The following ORMDL3 variants were observed in gnomAD, a reference collection of about 807,000 sequenced individuals.
ORMDL3 encodes ORMDL sphingolipid biosynthesis regulator 3.
ORMDL3 carries 6 observed loss-of-function variants against 12.6 expected under a neutral mutation model. That is an observed-to-expected ratio of 0.48 (90% confidence interval 0.26 to 0.94). The LOEUF (loss-of-function observed/expected upper bound fraction) is 0.94. Among genes scored for constraint, ORMDL3 ranks in the 40% least tolerant of loss-of-function variants. The pLI, the probability that ORMDL3 is intolerant of heterozygous loss-of-function variation, is 0.14. For synonymous variants in ORMDL3, 99 were observed against 87.2 expected (o/e 1.14, Z -0.75); for missense variants, 159 against 205.5 (o/e 0.77, Z 1.38).
chr17:39,921,722 A>T lies in ORMDL3; in HGVS notation c.*828T>A, dbSNP rs1282075839. The T allele has an allele frequency of 6.6e-6, 1 of 152,390 alleles. No homozygotes were observed. The allele number at this position is 152,390 out of a possible 1,614,324, so 9.4% of individuals were successfully genotyped here. A position where few individuals can be genotyped will look rare whatever the true frequency, so the allele number is the denominator to read the frequency against. ...CATTCTGTGGGTAAATTAACCCTCCAAGCCTGCTTCCCTCCCTGCCCACAT... is the reference window on the plus strand; with the variant it reads ...CATTCTGTGGGTAAATTAACCCTCCTAGCCTGCTTCCCTCCCTGCCCACAT... On this transcript the variant is annotated 3_prime_UTR_variant, in exon 4 of 4. Coordinates refer to ENST00000304046, the MANE Select transcript of ORMDL3 (RefSeq NM_139280.4).
chr17:39,923,475 G>A (rs1978314725), intron 2 of ORMDL3, among the ~76,000 whole-genome samples: 1 of 151,560 alleles, frequency 6.6e-6, no homozygotes, highest in Admixed American at 6.6e-5. Context: ...GGCCTGGCAT[G>A]AGAATGCACG....
At chr17:39,923,768 C>G (rs896863736) in intron 2 of ORMDL3, among the ~76,000 whole-genome samples, 2 of 152,158 alleles carry the variant, frequency 1.3e-5, no homozygotes, top group African/African-American at 4.8e-5. Context: ...AGCACATCTT[C>G]CAGGCCAACA....
At chr17:39,927,250 CGCCTCCCA>C in intron 1 of ORMDL3, 1 of 188,766 alleles carries the variant, frequency 5.3e-6, no homozygotes, top group Non-Finnish European at 9.9e-6. Context: ...AGCCGCTCCC[CGCCTCCCA>C]CCCCTAGCCG....
In ORMDL3 at chr17:39,922,505, C is replaced by G. The variant is rs1409504581; in HGVS notation, c.*45G>C. 1 of 1,593,128 alleles carries G rather than the reference C, an allele frequency of 6.3e-7. No individual in the cohort carries two copies. Among genetic ancestry groups the G allele is most frequent in the Non-Finnish European group, 8.5e-7 (1 of 1,170,632 alleles). ...CAGTGTTGCAGCACATGCCTTTTAC[C>G]CTACCCCTCCCCTGCCACCCTGGGC... is the stretch of plus-strand genomic sequence containing the variant. On this transcript the variant is annotated 3_prime_UTR_variant, in exon 4 of 4. Coordinates refer to ENST00000304046, the MANE Select transcript of ORMDL3 (RefSeq NM_139280.4).
chr17:39,927,048 G>C (rs543798228), intron 1 of ORMDL3: 1 of 968,632 alleles, frequency 1.0e-6, no homozygotes, highest in Admixed American at 6.2e-5. Context: ...GAGGAGGAGC[G>C]AAGAGGCGGA....
At chr17:39,922,814 TAAG>T in intron 3 of ORMDL3, 129 bp from the exon 4 acceptor site, 1 of 1,258,718 alleles carries the variant, frequency 7.9e-7, no homozygotes, top group Non-Finnish European at 1.1e-6. Context: ...CAGACCAGCG[TAAG>T]AAGCAAGAGC....
chr17:39,922,476 T>C lies in ORMDL3; in HGVS notation c.*74A>G. 2.7e-6 allele frequency: 4 copies of C among 1,503,520 alleles called. No individual in the cohort carries two copies. The highest frequency in any genetic ancestry group is 3.6e-6 in the Non-Finnish European group (4 of 1,116,474). The allele number at this position is 1,503,520 out of a possible 1,614,324, so 93.1% of individuals were successfully genotyped here. ...AGTGTCCAGAGGCTTCTTCTTTCTG[T>C]CTTCAGTGTTGCAGCACATGCCTTT... On this transcript the variant is annotated 3_prime_UTR_variant, in exon 4 of 4. Transcript: ENST00000304046.
Position 39,922,622 on chromosome 17 carries a change from G to C in ORMDL3, c.390C>G (p.Ser130=), listed in dbSNP as rs775923824. 1.2e-6 allele frequency: 2 copies of C among 1,614,072 alleles called. No homozygotes were observed. Among genetic ancestry groups the C allele is most frequent in the Non-Finnish European group, 1.7e-6 (2 of 1,180,002 alleles). ...GCTTGGGGATAAGCACGCTCATCAG[G>C]GACACGGTGTTGAGCACAAAATGGA... is the stretch of plus-strand genomic sequence containing the variant. ...DQIHFVLNTV[S]LMSVLIPKLP... The change falls in exon 4 of 4, where the codon TCC becomes TCG. Residue 130 remains serine, a synonymous_variant. Coordinates refer to ENST00000304046, the MANE Select transcript of ORMDL3 (RefSeq NM_139280.4).
chr17:39,924,281 A>C, intron 1 of ORMDL3, 56 bp from the exon 2 acceptor site: 1 of 1,483,358 alleles, frequency 6.7e-7, no homozygotes, highest in Non-Finnish European at 9.0e-7. Context: ...GCCCCCTCTC[A>C]CCCTCGGATC....
Position 39,927,583 on chromosome 17 carries a change from T to G in ORMDL3, c.-122A>C. 1 of 985,698 alleles carries G rather than the reference T, an allele frequency of 1.0e-6. No homozygotes were observed. Among genetic ancestry groups the G allele is most frequent in the Non-Finnish European group, 1.2e-6 (1 of 830,108 alleles). 61.1% of individuals were successfully genotyped at this position (985,698 alleles called of 1,614,324 possible). On this transcript the variant is annotated 5_prime_UTR_variant, in exon 1 of 4. Coordinates refer to ENST00000304046, the MANE Select transcript of ORMDL3 (RefSeq NM_139280.4). ...CAACCCGCGGCTGCAGCCTCCCCGCTGGCAGCTCCGGCCGAATCAGCGCTC... is the reference window on the plus strand; with the variant it reads ...CAACCCGCGGCTGCAGCCTCCCCGCGGGCAGCTCCGGCCGAATCAGCGCTC...
intron 1 of ORMDL3, chr17:39,926,768 C>A: frequency 1.5e-5 from 15 of 985,160 alleles, no homozygotes; most frequent in Non-Finnish European, 1.8e-5. Context: ...ACCAGGTGAG[C>A]CCTTCCCATT....
Position 39,922,658 on chromosome 17 carries a change from C to T in ORMDL3, c.354G>A (p.Lys118=). 1 of 1,613,046 alleles carries T rather than the reference C, an allele frequency of 6.2e-7. No individual in the cohort carries two copies. Among genetic ancestry groups the T allele is most frequent in the Non-Finnish European group, 8.5e-7 (1 of 1,179,306 alleles). Residue 118 remains lysine (K), a synonymous_variant, in exon 4 of 4, where the codon AAG becomes AAA. Coordinates refer to ENST00000304046, the MANE Select transcript of ORMDL3 (RefSeq NM_139280.4). The stretch of plus-strand genomic sequence containing the variant: ...TGAGCACAAAATGGATCTGGTCGTA[C>T]TTAGTGTAGAAGCTGGTGAGGAAGT... The part of the protein sequence containing the change: ...VLYFLTSFYT[K]YDQIHFVLNT...
At position 39,923,102 on chromosome 17, in the gene ORMDL3, A is replaced by C; in HGVS notation, c.326+10T>G. The C allele has an allele frequency of 6.2e-7, 1 of 1,614,024 alleles. No individual in the cohort carries two copies. ...GCCTGCTGGTGTCTTCCTGTAGCCC[A>C]GGCACTCACAGCACGATGGGTGTGA... On this transcript the variant is annotated intron_variant, in intron 3 of 3. Transcript: ENST00000304046.
chr17:39,924,355 A>T (rs1355254111), intron 1 of ORMDL3, 130 bp from the exon 2 acceptor site: 1 of 847,894 alleles, frequency 1.2e-6, no homozygotes, highest in Non-Finnish European at 1.8e-6. Flanking sequence ...TTGATTCTGA[A>T]GCATGGAAAG....
Position 39,927,464 on chromosome 17 carries a change from T to C in ORMDL3, c.-23+20A>G. 1.0e-6 allele frequency: 1 copy of C among 985,254 alleles called. No homozygotes were observed. The highest frequency in any genetic ancestry group is 1.2e-6 in the Non-Finnish European group (1 of 829,962). 61.0% of individuals were successfully genotyped at this position (985,254 alleles called of 1,614,324 possible). ...GCCCCTCCCGTAGCCCTGGGGCCTC[T>C]TGGTTCCTTCCGGGCTCACCGTGTG... On this transcript the variant is annotated intron_variant, in intron 1 of 3. Transcript: ENST00000304046.
Position 39,922,511 on chromosome 17 carries a change from C to CCT in ORMDL3, c.*37_*38dup. 1 of 1,599,618 alleles carries CCT rather than the reference C, an allele frequency of 6.3e-7. No homozygotes were observed. Among genetic ancestry groups the CCT allele is most frequent in the Non-Finnish European group, 8.5e-7 (1 of 1,173,882 alleles). On this transcript the variant is annotated 3_prime_UTR_variant, in exon 4 of 4. Coordinates refer to ENST00000304046, the MANE Select transcript of ORMDL3 (RefSeq NM_139280.4). The stretch of plus-strand genomic sequence containing the variant: ...TGCAGCACATGCCTTTTACCCTACC[C>CCT]CTCCCCTGCCACCCTGGGCAGGGGA...
chr17:39,923,058 G>A (rs997076660), intron 3 of ORMDL3, 54 bp downstream of exon 3: 77 of 1,605,894 alleles, frequency 4.8e-5, no homozygotes, highest in Non-Finnish European at 6.4e-5. Context: ...GGGCCCTGGG[G>A]TCCTCCAGGC....
rs1392969080 is a variant in ORMDL3, at chr17:39,922,429, A to G, written c.*121T>C. The stretch of plus-strand genomic sequence containing the variant: ...GAAGCGAGGGGGGAAATTAGGCCAG[A>G]GGCTCAACCCCCATCTCTGGCAGTG... On this transcript the variant is annotated 3_prime_UTR_variant, in exon 4 of 4. Coordinates refer to ENST00000304046, the MANE Select transcript of ORMDL3 (RefSeq NM_139280.4). 2.6e-5 allele frequency: 33 copies of G among 1,247,766 alleles called. No individual in the cohort carries two copies. The highest frequency in any genetic ancestry group is 3.5e-5 in the Non-Finnish European group (32 of 915,536). The allele number at this position is 1,247,766 out of a possible 1,614,324, so 77.3% of individuals were successfully genotyped here. A position where few individuals can be genotyped will look rare whatever the true frequency, so the allele number is the denominator to read the frequency against.
chr17:39,922,244 T>C lies in ORMDL3; in HGVS notation c.*306A>G, dbSNP rs138036558. On this transcript the variant is annotated 3_prime_UTR_variant, in exon 4 of 4. Transcript: ENST00000304046. ...CCCCTGGCCTCCTGTCGCAACTGCG[T>C]GGTCCATGTTCAGCCCAGGAGCCCA... is the stretch of plus-strand genomic sequence containing the variant. The C allele has an allele frequency of 6.1e-3, 1,445 of 237,622 alleles. 14 individuals are homozygous for C. Among genetic ancestry groups the C allele is most frequent in the African/African-American group, 0.031 (1,361 of 44,316 alleles). The allele number at this position is 237,622 out of a possible 1,614,324, so 14.7% of individuals were successfully genotyped here.
Sources: gnomAD v4.1 joint callset for allele counts (sites outside exome capture counted in the v4.1 genomes callset) on GRCh38, gnomAD v4.1.1 for gene constraint, MANE v1.5 for transcripts, NCBI Gene and HGNC (gene_info 2026-07-23, HGNC 2026-07-21) for gene names.